PLCG2: variants seen among roughly 807,000 people sequenced by gnomAD.
PLCG2 encodes the protein 1-phosphatidylinositol 4,5-bisphosphate phosphodiesterase gamma-2.
PLCG2 carries 69 observed loss-of-function variants against 175.6 expected under a neutral mutation model. The observed-to-expected ratio is 0.39, with a 90% CI of 0.32 to 0.48. The LOEUF is 0.48. PLCG2 is among the 20% of genes least tolerant of loss of function. The pLI is 0.91. For synonymous variants in PLCG2, 827 were observed against 624.0 expected, an observed-to-expected ratio of 1.33 and a Z score of -4.85; for missense variants, 1,798 against 1,650.9, an observed-to-expected ratio of 1.09 and a Z score of -1.54.
At chr16:81,869,597 C>T (rs771430368) in intron 6 of PLCG2, among the ~76,000 whole-genome samples, 51 of 152,278 alleles carry the variant, frequency 3.3e-4, no homozygotes, top group Middle Eastern at 3.4e-3. Context: ...CATACTGCAG[C>T]CCATTTTTTC....
At chr16:81,823,214 G>T (rs1395153042) in intron 2 of PLCG2, among the ~76,000 whole-genome samples, 1 of 152,256 alleles carries the variant, frequency 6.6e-6, no homozygotes, top group Non-Finnish European at 1.5e-5. Context: ...TCAGCCTAGG[G>T]GAGGTCTGGC....
chr16:81,916,131 T>G (rs531621749), intron 19 of PLCG2, among the ~76,000 whole-genome samples: 2 of 151,520 alleles, frequency 1.3e-5, no homozygotes, highest in African/African-American at 4.9e-5. Flanking sequence ...TTTCTTTTCT[T>G]TCCTCTGTTT....
intron 3 of PLCG2, among the ~76,000 whole-genome samples, chr16:81,857,563 C>A (rs1051517121): frequency 6.6e-6 from 1 of 152,164 alleles, no homozygotes; most frequent in Non-Finnish European, 1.5e-5. Context: ...GACTTGCAGA[C>A]AGCTGCCTTC....
chr16:81,959,312 G>A lies in PLCG2; in HGVS notation c.*1314G>A, dbSNP rs1328721534. On this transcript the variant is annotated 3_prime_UTR_variant, in exon 33 of 33. Coordinates refer to ENST00000564138, the MANE Select transcript of PLCG2 (RefSeq NM_002661.5). The stretch of plus-strand genomic sequence containing the variant: ...CTCCTCTTGTTACCCGAAATGCTGG[G>A]CTTAGTATGCATGTACTGCTGAAAA... 2.2e-5 allele frequency: 5 copies of A among 222,932 alleles called. No homozygotes were observed. The highest frequency in any genetic ancestry group is 3.6e-5 in the Non-Finnish European group (4 of 111,690). 13.8% of individuals were successfully genotyped at this position (222,932 alleles called of 1,614,324 possible).
At position 81,907,777 on chromosome 16, in the gene PLCG2, A is replaced by AGG; in HGVS notation, c.1557+7_1557+8dup. On this transcript the variant is annotated splice_donor_region_variant and intron_variant, in intron 16 of 32. Coordinates refer to ENST00000564138, the MANE Select transcript of PLCG2 (RefSeq NM_002661.5). ...CTATGGAGGAGGAAGTGCCCCAGGT[A>AGG]GGGGGACACCCTAGCCACATAGGGA... 1.2e-6 allele frequency: 2 copies of AGG among 1,610,112 alleles called. No homozygotes were observed. Among genetic ancestry groups the AGG allele is most frequent in the Non-Finnish European group, 1.7e-6 (2 of 1,176,902 alleles).
At chr16:81,764,906 A>G (rs1035181334) in intron 2 of PLCG2, among the ~76,000 whole-genome samples, 3 of 152,080 alleles carry the variant, frequency 2.0e-5, no homozygotes, top group East Asian at 3.9e-4. Flanking sequence ...CCTGGACAAA[A>G]CTGAGACCCT....
intron 2 of PLCG2, among the ~76,000 whole-genome samples, chr16:81,764,187 C>T (rs73604572): frequency 9.1e-4 from 138 of 151,732 alleles, no homozygotes; most frequent in African/African-American, 3.1e-3. Context: ...CTAGCTACTC[C>T]GGAGGCTGAG....
chr16:81,919,773 G>T, intron 20 of PLCG2, 109 bp downstream of exon 20: 2 of 833,992 alleles, frequency 2.4e-6, no homozygotes, highest in Non-Finnish European at 3.8e-6. Flanking sequence ...ATCTGATACT[G>T]CTGTAGGTCC....
At chr16:81,742,154 CG>C (rs55847562) in intron 1 of PLCG2, among the ~76,000 whole-genome samples, 41,000 of 106,696 alleles carry the variant, frequency 0.38, 7,778 homozygotes, top group Middle Eastern at 0.48. Flanking sequence ...ATTGTGGGGG[CG>C]GGGGGGGGGG....
At chr16:81,801,837 C>T (rs936397049) in intron 2 of PLCG2, among the ~76,000 whole-genome samples, 8 of 152,062 alleles carry the variant, frequency 5.3e-5, no homozygotes, top group South Asian at 2.1e-4. Flanking sequence ...TACACCACCA[C>T]GCCTGGTTAA....
chr16:81,793,626 A>G (rs186255848), intron 2 of PLCG2, among the ~76,000 whole-genome samples: 9 of 152,304 alleles, frequency 5.9e-5, no homozygotes, highest in Non-Finnish European at 1.3e-4. Context: ...TCTCAAACAT[A>G]TGAGCTGTCT....
chr16:81,916,698 C>T (rs551919741), intron 19 of PLCG2, among the ~76,000 whole-genome samples: 10 of 151,886 alleles, frequency 6.6e-5, no homozygotes, highest in African/African-American at 1.9e-4. Context: ...AGTGCAGGGG[C>T]GTGATCTTGG....
chr16:81,767,978 C>G (rs915101365), intron 2 of PLCG2: 1 of 152,212 alleles, frequency 6.6e-6, no homozygotes, highest in African/African-American at 2.4e-5. Context: ...CAACCTCTAC[C>G]TCCAGGGTTC....
In PLCG2 at chr16:81,858,243, G is replaced by C. The variant is rs772307116; in HGVS notation, c.338-20G>C. ...TCCCAGGAATTAACACAGCATTTCT[G>C]TTCCCTTTCTCCACTCCAGCTGACT... is the stretch of plus-strand genomic sequence containing the variant. On this transcript the variant is annotated intron_variant, in intron 3 of 32. Transcript: ENST00000564138. The C allele has an allele frequency of 1.9e-6, 3 of 1,551,790 alleles. No homozygotes were observed. Among genetic ancestry groups the C allele is most frequent in the Non-Finnish European group, 1.8e-6 (2 of 1,123,122 alleles).
rs763155767 is a variant in PLCG2, at chr16:81,959,087, T to C, written c.*1089T>C. The C allele has an allele frequency of 4.5e-6, 1 of 223,654 alleles. No homozygotes were observed. Among genetic ancestry groups the C allele is most frequent in the Non-Finnish European group, 8.9e-6 (1 of 112,160 alleles). The allele number at this position is 223,654 out of a possible 1,614,324, so 13.9% of individuals were successfully genotyped here. The stretch of plus-strand genomic sequence containing the variant: ...GTTAATACATACCAATAATGTAATA[T>C]GGCTTTTTAAAGGAGAGGAGAGTGC... On this transcript the variant is annotated 3_prime_UTR_variant, in exon 33 of 33. Coordinates refer to ENST00000564138, the MANE Select transcript of PLCG2 (RefSeq NM_002661.5).
At chr16:81,940,848 C>T (rs914417126) in intron 30 of PLCG2, among the ~76,000 whole-genome samples, 1 of 152,140 alleles carries the variant, frequency 6.6e-6, no homozygotes, top group African/African-American at 2.4e-5. Flanking sequence ...TGGATCTTTC[C>T]CACTGGATTT....
rs1910857987 is a variant in PLCG2 at position 81,939,652 on chromosome 16, A to T, written c.3314-240A>T. The stretch of plus-strand genomic sequence containing the variant: ...TTGTCCCTGATCCTGGGGCGGGGAG[A>T]TGGGAGGTGGTCTCCTTCCTCTGCT... On this transcript the variant is annotated intron_variant, in intron 29 of 32. Coordinates refer to ENST00000564138, the MANE Select transcript of PLCG2 (RefSeq NM_002661.5). Among the ~76,000 whole-genome samples, 7 of 152,128 alleles carry T rather than the reference A, an allele frequency of 4.6e-5. No homozygotes were observed. The South Asian group carries it at 1.2e-3, about 27-fold the overall frequency.
chr16:81,837,159 T>G (rs1012077444), intron 2 of PLCG2, among the ~76,000 whole-genome samples: 1 of 152,154 alleles, frequency 6.6e-6, no homozygotes, highest in African/African-American at 2.4e-5. Flanking sequence ...ACTAGCAAAC[T>G]CAAAGAACGA....
chr16:81,779,821 C>G (rs182596049), intron 1 of PLCG2, among the ~76,000 whole-genome samples: 2 of 152,168 alleles, frequency 1.3e-5, no homozygotes, highest in Admixed American at 6.5e-5. Flanking sequence ...CGCGGACGCT[C>G]GGAGCCACAC....
Sources: allele counts gnomAD v4.1 joint callset (sites outside exome capture counted in the v4.1 genomes callset), GRCh38; gene constraint gnomAD v4.1.1; transcripts MANE v1.5; gene names NCBI Gene and HGNC (gene_info 2026-07-23, HGNC 2026-07-21).